Variants in IMMP2L observed in about 807,000 individuals in gnomAD.
The protein encoded by IMMP2L is inner mitochondrial membrane peptidase subunit 2, also known as mitochondrial inner membrane protease subunit 2.
IMMP2L carries 18 observed loss-of-function variants against 19.3 expected under a neutral mutation model. The ratio of observed to expected loss-of-function variants is 0.93; its 90% CI spans 0.64 to 1.38. The LOEUF (loss-of-function observed/expected upper bound fraction) is 1.38, where lower values mean the gene tolerates loss of function less well. Among genes scored for constraint, IMMP2L ranks in the 40% most tolerant of loss-of-function variants. IMMP2L has a pLI of 0.00. For missense variants in IMMP2L, 233 were observed against 218.2 expected, an observed-to-expected ratio of 1.07 and a Z score of -0.43; for synonymous variants, 76 against 73.0, an observed-to-expected ratio of 1.04 and a Z score of -0.21.
chr7:111,359,487 A>C (rs1829050826), intron 3 of IMMP2L, among the ~76,000 whole-genome samples: 1 of 151,976 alleles, frequency 6.6e-6, no homozygotes, highest in Non-Finnish European at 1.5e-5. Context: ...TTTTTAGTAG[A>C]GACGGGGTTT....
Position 111,463,228 on chromosome 7 carries a change from T to C in IMMP2L, c.239+24010A>G, listed in dbSNP as rs560319800. 6.6e-5 allele frequency among the ~76,000 whole-genome samples: 10 copies of C among 152,132 alleles called. No homozygotes were observed. In the South Asian group the frequency reaches 2.1e-3, roughly 32 times the overall value. On this transcript the variant is annotated intron_variant, in intron 3 of 5. Transcript: ENST00000405709. ...ATTTCCCCTGTTTATAAAGATACCA[T>C]TCATATTGGATTAGGACCCATACAA...
intron 5 of IMMP2L, among the ~76,000 whole-genome samples, chr7:110,879,492 T>C (rs1194216917): frequency 6.6e-6 from 1 of 152,160 alleles, no homozygotes; most frequent in African/African-American, 2.4e-5. Context: ...ATAAGTACTG[T>C]AACTTGGTGT....
intron 3 of IMMP2L, among the ~76,000 whole-genome samples, chr7:111,399,359 C>G (rs1833206656): frequency 6.6e-6 from 1 of 151,832 alleles, no homozygotes; most frequent in Admixed American, 6.6e-5. Flanking sequence ...TTCAACAAAG[C>G]AAACAGATTA....
Position 110,735,681 on chromosome 7 carries a change from TACACACACACAC to T in IMMP2L, c.409-71972_409-71961del, listed in dbSNP as rs3051068. Among the ~76,000 whole-genome samples, 509 of 114,796 alleles carry T rather than the reference TACACACACACAC, an allele frequency of 4.4e-3. 1 individual carries two copies. The highest frequency in any genetic ancestry group is 0.014 in the Middle Eastern group (3 of 218). The allele number at this position is 114,796 out of a possible 152,430, so 75.3% of individuals were successfully genotyped here. ...TATATATATATATATAGTAGACAAATACACACACACACACACACACACACACACACACACACA... is the reference window on the plus strand; with the variant it reads ...TATATATATATATATAGTAGACAAATACACACACACACACACACACACACA... On this transcript the variant is annotated intron_variant, in intron 5 of 5. Transcript: ENST00000405709.
intron 2 of IMMP2L, among the ~76,000 whole-genome samples, chr7:111,503,885 G>A (rs1272115495): frequency 6.6e-6 from 1 of 152,054 alleles, no homozygotes; most frequent in East Asian, 1.9e-4. Flanking sequence ...ACAAAAACTG[G>A]AAGCATTCCC....
At chr7:110,903,126 A>G (rs1406933397) in intron 4 of IMMP2L, among the ~76,000 whole-genome samples, 3 of 152,098 alleles carry the variant, frequency 2.0e-5, no homozygotes, top group East Asian at 3.9e-4. Flanking sequence ...ATTCAATACA[A>G]TTAGGTTCCC....
chr7:111,281,214 GAA>G (rs376187303), intron 3 of IMMP2L, among the ~76,000 whole-genome samples: 668 of 30,704 alleles, frequency 0.022, 20 homozygotes, highest in African/African-American at 0.05. Flanking sequence ...AAGAAAGAAA[GAA>G]AAAGAAAGAA....
intron 3 of IMMP2L, among the ~76,000 whole-genome samples, chr7:110,993,139 G>T (rs575328439): frequency 7.1e-4 from 108 of 152,060 alleles, no homozygotes; most frequent in African/African-American, 2.6e-3. Flanking sequence ...AACAGGCCAG[G>T]TTTCCCTAAG....
chr7:111,087,945 G>T (rs917556275), intron 3 of IMMP2L, among the ~76,000 whole-genome samples: 1 of 152,010 alleles, frequency 6.6e-6, no homozygotes, highest in African/African-American at 2.4e-5. Flanking sequence ...ACAATTCTAG[G>T]AGAAAAATGA....
chr7:111,008,164 G>T (rs970580972), intron 3 of IMMP2L, among the ~76,000 whole-genome samples: 1 of 151,750 alleles, frequency 6.6e-6, no homozygotes, highest in Non-Finnish European at 1.5e-5. Flanking sequence ...TCAACATGAT[G>T]CCAATGTGAG....
intron 3 of IMMP2L, among the ~76,000 whole-genome samples, chr7:111,146,474 G>A (rs1417114359): frequency 2.6e-5 from 4 of 151,982 alleles, no homozygotes; most frequent in Non-Finnish European, 4.4e-5. Context: ...GAACCCAAAT[G>A]ACAGCCTGTT....
chr7:110,753,382 A>G (rs577649981), intron 5 of IMMP2L, among the ~76,000 whole-genome samples: 1 of 152,156 alleles, frequency 6.6e-6, no homozygotes, highest in South Asian at 2.1e-4. Flanking sequence ...TTCATAGCCA[A>G]GAAGTGGAGA....
intron 2 of IMMP2L, among the ~76,000 whole-genome samples, chr7:111,505,481 C>A (rs1325522396): frequency 1.3e-5 from 2 of 152,078 alleles, no homozygotes; most frequent in East Asian, 1.9e-4. Flanking sequence ...TGGGTATATA[C>A]CCAAAGGATT....
chr7:110,675,431 G>A (rs1792232285), intron 5 of IMMP2L, among the ~76,000 whole-genome samples: 1 of 152,044 alleles, frequency 6.6e-6, no homozygotes. Flanking sequence ...TTTCATCAAA[G>A]GCAGAACCCA....
At chr7:111,275,694 C>T (rs953161229) in intron 3 of IMMP2L, among the ~76,000 whole-genome samples, 4 of 151,936 alleles carry the variant, frequency 2.6e-5, no homozygotes, top group Non-Finnish European at 4.4e-5. Context: ...AATGTTTTTC[C>T]GTTTGTTTGT....
chr7:110,932,376 T>G (rs1030428963), intron 4 of IMMP2L, among the ~76,000 whole-genome samples: 1 of 152,056 alleles, frequency 6.6e-6, no homozygotes, highest in Non-Finnish European at 1.5e-5. Context: ...TTTTTTGAGA[T>G]GGAGTCTCAC....
At position 111,268,569 on chromosome 7, in the gene IMMP2L, CTTTTTTTTTTTTTTTTTTTTTTTT is replaced by C. The variant is rs762576425; in HGVS notation, c.239+218645_239+218668del. Among the ~76,000 whole-genome samples, 249 of 44,580 alleles carry C rather than the reference CTTTTTTTTTTTTTTTTTTTTTTTT, an allele frequency of 5.6e-3. 1 individual carries two copies. Among genetic ancestry groups the C allele is most frequent in the African/African-American group, 0.019 (187 of 9,814 alleles). 29.2% of individuals were successfully genotyped at this position (44,580 alleles called of 152,430 possible). A position where few individuals can be genotyped will look rare whatever the true frequency, so the allele number is the denominator to read the frequency against. On this transcript the variant is annotated intron_variant, in intron 3 of 5. Transcript: ENST00000405709. ...GATATGAGTTAAACTTCACATTTCT[CTTTTTTTTTTTTTTTTTTTTTTTT>C]TTTTTTTTTTTTTTTTTGAGACCAA... is the stretch of plus-strand genomic sequence containing the variant.
chr7:111,158,267 T>G (rs1804862167), intron 3 of IMMP2L, among the ~76,000 whole-genome samples: 1 of 152,164 alleles, frequency 6.6e-6, no homozygotes, highest in Admixed American at 6.5e-5. Flanking sequence ...ACTCTGATTA[T>G]AGGTAGATAT....
intron 5 of IMMP2L, among the ~76,000 whole-genome samples, chr7:110,848,020 A>T (rs11505728): frequency 3.3e-5 from 5 of 152,232 alleles, no homozygotes; most frequent in African/African-American, 1.2e-4. Context: ...TTTAGATACA[A>T]CATCAAAGGC....
Sources: gnomAD v4.1 joint callset for allele counts (sites outside exome capture counted in the v4.1 genomes callset) on GRCh38, gnomAD v4.1.1 for gene constraint, MANE v1.5 for transcripts, NCBI Gene and HGNC (gene_info 2026-07-23, HGNC 2026-07-21) for gene names.